The following SLC2A13 variants were observed in gnomAD, a reference collection of about 807,000 sequenced individuals.
SLC2A13 encodes the protein solute carrier family 2 member 13, also known as proton myo-inositol cotransporter.
Under a neutral mutation model 64.4 loss-of-function variants are expected in SLC2A13, and 32 were observed. That is an observed-to-expected ratio of 0.50 (90% CI 0.37 to 0.67). SLC2A13 has a LOEUF of 0.67. Ranked by LOEUF, SLC2A13 falls within the 30% of genes least tolerant of loss-of-function variation. SLC2A13 has a pLI of 0.00. For synonymous variants in SLC2A13, 338 were observed against 327.1 expected (o/e 1.03, Z -0.36); for missense variants, 743 against 829.2 (o/e 0.90, Z 1.28).
intron 6 of SLC2A13, among the ~76,000 whole-genome samples, chr12:39,832,790 C>T (rs1197905798): frequency 6.6e-6 from 1 of 152,052 alleles, no homozygotes; most frequent in Admixed American, 6.6e-5. Context: ...TTCCCTTCTC[C>T]TCTATCATTC....
intron 4 of SLC2A13, among the ~76,000 whole-genome samples, chr12:39,929,522 G>A (rs1329677183): frequency 6.6e-6 from 1 of 151,708 alleles, no homozygotes; most frequent in Non-Finnish European, 1.5e-5. Context: ...TTGCACTCCA[G>A]CCTGGGCGAC....
chr12:39,988,735 G>A (rs1339105271), intron 3 of SLC2A13, among the ~76,000 whole-genome samples: 3 of 126,554 alleles, frequency 2.4e-5, no homozygotes, highest in East Asian at 2.8e-4. Flanking sequence ...GGAAGGGGGG[G>A]AGGAAAATGC....
At chr12:40,032,934 T>C (rs996588971) in intron 2 of SLC2A13, among the ~76,000 whole-genome samples, 1 of 152,164 alleles carries the variant, frequency 6.6e-6, no homozygotes, top group East Asian at 1.9e-4. Flanking sequence ...TATGTGAAAA[T>C]CTAGTTGAAT....
At chr12:39,848,216 G>T (rs1395080156) in intron 6 of SLC2A13, among the ~76,000 whole-genome samples, 1 of 152,102 alleles carries the variant, frequency 6.6e-6, no homozygotes, top group African/African-American at 2.4e-5. Flanking sequence ...CACAGCAAAA[G>T]AAACTATCAA....
intron 6 of SLC2A13, among the ~76,000 whole-genome samples, chr12:39,840,249 C>T (rs570739988): frequency 3.9e-5 from 6 of 152,030 alleles, no homozygotes; most frequent in South Asian, 2.1e-4. Flanking sequence ...CCAGCCACCA[C>T]GCCCAGCCTT....
intron 7 of SLC2A13, among the ~76,000 whole-genome samples, chr12:39,808,383 C>T (rs1234357006): frequency 6.6e-6 from 1 of 152,066 alleles, no homozygotes; most frequent in Non-Finnish European, 1.5e-5. Flanking sequence ...CCAATTTTGT[C>T]CATTATGAAT....
intron 6 of SLC2A13, among the ~76,000 whole-genome samples, chr12:39,831,026 G>C (rs1014477880): frequency 4.6e-5 from 7 of 152,162 alleles, no homozygotes; most frequent in Non-Finnish European, 8.8e-5. Flanking sequence ...CCTACATCAT[G>C]CTTATAGAAT....
intron 1 of SLC2A13, among the ~76,000 whole-genome samples, chr12:40,051,835 C>A (rs866054935): frequency 6.6e-6 from 1 of 151,980 alleles, no homozygotes; most frequent in Non-Finnish European, 1.5e-5. Context: ...GGGCTTAGTG[C>A]GCAGAAGCCT....
chr12:39,881,270 G>A (rs973537336), intron 4 of SLC2A13, among the ~76,000 whole-genome samples: 3 of 152,018 alleles, frequency 2.0e-5, no homozygotes, highest in African/African-American at 7.2e-5. Flanking sequence ...GTGTCTTTCA[G>A]TTCTGGTTTA....
intron 1 of SLC2A13, among the ~76,000 whole-genome samples, chr12:40,049,009 A>G (rs1304220179): frequency 6.6e-6 from 1 of 152,176 alleles, no homozygotes; most frequent in Non-Finnish European, 1.5e-5. Context: ...AAAAACCTAA[A>G]GTTGTATAGT....
chr12:39,949,899 A>G (rs1448438503), intron 4 of SLC2A13: 3 of 152,216 alleles, frequency 2.0e-5, no homozygotes, highest in African/African-American at 7.2e-5. Context: ...TCTCAGAACA[A>G]GTCATGATGT....
rs551180944 is a variant in SLC2A13 at position 40,074,980 on chromosome 12, G to C, written c.557-26770C>G. On this transcript the variant is annotated intron_variant, in intron 1 of 9. Coordinates refer to ENST00000280871, the MANE Select transcript of SLC2A13 (RefSeq NM_052885.4). ...CCCTTTTCTCAAATAAAAGGCTAGA[G>C]AGAACTAGAATTGGGTGCTTTGCTT... 1.9e-4 allele frequency among the ~76,000 whole-genome samples: 29 copies of C among 152,290 alleles called. 1 individual carries two copies. The South Asian group carries it at 3.9e-3, about 21-fold the overall frequency.
intron 5 of SLC2A13, among the ~76,000 whole-genome samples, chr12:39,870,461 TA>T (rs1378990831): frequency 5.9e-5 from 9 of 152,204 alleles, no homozygotes; most frequent in African/African-American, 2.2e-4. Context: ...TTATTGGGGA[TA>T]TTTTTCTTAT....
chr12:40,048,028 A>C, intron 2 of SLC2A13, 23 bp downstream of exon 2: 1 of 1,559,716 alleles, frequency 6.4e-7, no homozygotes, highest in Non-Finnish European at 8.6e-7. Flanking sequence ...TTGAAAAATT[A>C]AATGTAAAAA....
intron 3 of SLC2A13, among the ~76,000 whole-genome samples, chr12:39,965,457 A>G (rs1484879887): frequency 6.6e-6 from 1 of 152,194 alleles, no homozygotes. Context: ...ACAGTGAAAG[A>G]GCCTGAGTAA....
At chr12:40,019,640 T>C (rs1202844708) in intron 3 of SLC2A13, among the ~76,000 whole-genome samples, 1 of 152,162 alleles carries the variant, frequency 6.6e-6, no homozygotes, top group Non-Finnish European at 1.5e-5. Context: ...GAAATGGGCA[T>C]TCAGGAAAAA....
At position 39,790,215 on chromosome 12, in the gene SLC2A13, TCTTC is replaced by T. The variant is rs1165183666; in HGVS notation, c.1446-25361_1446-25358del. Reference sequence around the variant, plus strand: ...GCCTAAGTGTACAGTGTTTTTTTTTTCTTCTTCTTCTTTTTTTATTATACTTTAA... The same window carrying T: ...GCCTAAGTGTACAGTGTTTTTTTTTTTTCTTCTTTTTTTATTATACTTTAA... On this transcript the variant is annotated intron_variant, in intron 7 of 9. Coordinates refer to ENST00000280871, the MANE Select transcript of SLC2A13 (RefSeq NM_052885.4). 1.7e-3 allele frequency among the ~76,000 whole-genome samples: 239 copies of T among 144,342 alleles called. 2 individuals are homozygous for T. The highest frequency in any genetic ancestry group is 5.2e-3 in the African/African-American group (203 of 38,994). 94.7% of individuals were successfully genotyped at this position (144,342 alleles called of 152,430 possible).
chr12:40,096,192 G>A (rs1335523705), intron 1 of SLC2A13, among the ~76,000 whole-genome samples: 1 of 151,670 alleles, frequency 6.6e-6, no homozygotes, highest in Admixed American at 6.6e-5. Context: ...GCCTCCCAAA[G>A]TGCTGGGATT....
intron 1 of SLC2A13, among the ~76,000 whole-genome samples, chr12:40,073,804 T>A (rs1938057426): frequency 6.6e-6 from 1 of 151,944 alleles, no homozygotes; most frequent in African/African-American, 2.4e-5. Context: ...ATCTGGCTTA[T>A]TTCAGGATTT....
Sources: gnomAD v4.1 joint callset for allele counts (sites outside exome capture counted in the v4.1 genomes callset) on GRCh38, gnomAD v4.1.1 for gene constraint, MANE v1.5 for transcripts, NCBI Gene and HGNC (gene_info 2026-07-23, HGNC 2026-07-21) for gene names.